Variants in ZNF28 observed in about 807,000 individuals in gnomAD.
The protein encoded by ZNF28 is zinc finger protein 28, also known as zinc finger protein KOX24.
Under a neutral mutation model 7.2 loss-of-function variants are expected in ZNF28, and 5 were observed. The observed-to-expected ratio is 0.70, with a 90% CI of 0.36 to 1.46. ZNF28 has a LOEUF of 1.46. Ranked by LOEUF, ZNF28 falls within the 40% of genes most tolerant of loss-of-function variation. The probability of loss-of-function intolerance (pLI) is 0.03; values close to 1 mark genes in which losing one functional copy is unlikely to be tolerated. For missense variants in ZNF28, 879 were observed against 866.6 expected (o/e 1.01, Z -0.18); for synonymous variants, 288 against 292.4 (o/e 0.99, Z 0.15).
chr19:52,811,083 G>T (rs1462598590), intron 2 of ZNF28, among the ~76,000 whole-genome samples: 1 of 149,600 alleles, frequency 6.7e-6, no homozygotes, highest in African/African-American at 2.5e-5. Context: ...TGGTGGAGAC[G>T]GGGTTTCGCT....
chr19:52,809,156 C>T (rs879524290), intron 2 of ZNF28, among the ~76,000 whole-genome samples: 10 of 152,188 alleles, frequency 6.6e-5, no homozygotes, highest in Non-Finnish European at 1.3e-4. Flanking sequence ...CAGGGGGAAT[C>T]TTGTCAGATC....
chr19:52,818,192 A>C (rs7247280), intron 1 of ZNF28, among the ~76,000 whole-genome samples, 161 bp from the exon 2 acceptor site: 100,278 of 151,480 alleles, frequency 0.66, 33,970 homozygotes, highest in Non-Finnish European at 0.73. Flanking sequence ...CTCCCACTCT[A>C]CTCCTGGAGA....
Position 52,800,570 on chromosome 19 carries a change from G to A in ZNF28, c.1275C>T (p.Tyr425=), listed in dbSNP as rs761782285. ...VCDKAFAYNS[Y]LAKHSIIHTG... is the part of the protein sequence containing the mutation. ...TGTGAATTATACTATGTTTTGCCAG[G>A]TATGAATTATATGCAAAAGCCTTGT... The change falls in exon 4 of 4, where the codon TAC becomes TAT. Residue 425 remains tyrosine, a synonymous_variant. Transcript: ENST00000457749. 11 of 1,613,012 alleles carry A rather than the reference G, an allele frequency of 6.8e-6. No homozygotes were observed. Among genetic ancestry groups the A allele is most frequent in the Non-Finnish European group, 3.4e-6 (4 of 1,179,768 alleles).
chr19:52,805,877 G>A (rs755966465), intron 3 of ZNF28: 3 of 151,988 alleles, frequency 2.0e-5, no homozygotes, highest in Non-Finnish European at 4.4e-5. Context: ...CTTCTCAGGG[G>A]CCTGAGGCAG....
At position 52,810,564 on chromosome 19, in the gene ZNF28, G is replaced by C. The variant is rs899283212; in HGVS notation, c.16-2431C>G. 10 of 1,593,294 alleles carry C rather than the reference G, an allele frequency of 6.3e-6. No individual in the cohort carries two copies. In the Admixed American group the frequency reaches 8.4e-5, roughly 13 times the overall value. On this transcript the variant is annotated intron_variant, in intron 2 of 3. Transcript: ENST00000457749. ...AGACCAGGCATCAGCACAACAGACCGGGGTCTTCCACGAGCCCGCTACCGC... is the reference window on the plus strand; with the variant it reads ...AGACCAGGCATCAGCACAACAGACCCGGGTCTTCCACGAGCCCGCTACCGC...
At chr19:52,807,915 C>G in intron 3 of ZNF28, 92 bp downstream of exon 3, 2 of 1,577,428 alleles carry the variant, frequency 1.3e-6, no homozygotes, top group Non-Finnish European at 8.6e-7. Context: ...AATACGGCTT[C>G]CATTTTAGTC....
At chr19:52,810,797 G>A in intron 2 of ZNF28, 1 of 433,322 alleles carries the variant, frequency 2.3e-6, no homozygotes, top group Non-Finnish European at 4.0e-6. Flanking sequence ...AACAGAAGAT[G>A]ACCTTGATGG....
Position 52,817,955 on chromosome 19 carries a change from C to T in ZNF28, c.4G>A (p.Ala2Thr). M[A>T]LPQGLLTFRD... ...GAATACCATCTCACCTGAGGAAGAG[C>T]CATCCCTGACTCCTTTGCTTTCCTC... is the stretch of plus-strand genomic sequence containing the variant. The change falls in exon 2 of 4, where the codon GCT becomes ACT. Residue 2 changes from alanine (A) to threonine (T), a missense_variant. By Grantham distance (58) the Ala-to-Thr change is moderately conservative (BLOSUM62 0). Around this residue, in one of 2 missense-constraint regions of ZNF28, gnomAD observed 864 missense variants for 830.2 expected, o/e 1.04. Transcript: ENST00000457749. 1 of 1,610,882 alleles carries T rather than the reference C, an allele frequency of 6.2e-7. No homozygotes were observed. The highest frequency in any genetic ancestry group is 8.5e-7 in the Non-Finnish European group (1 of 1,179,832).
rs555363271 is a variant in ZNF28, at chr19:52,810,433, G to T, written c.16-2300C>A. The T allele has an allele frequency of 1.8e-5, 29 of 1,601,794 alleles. No individual in the cohort carries two copies. The South Asian group carries it at 2.9e-4, about 16-fold the overall frequency. On this transcript the variant is annotated intron_variant, in intron 2 of 3. Transcript: ENST00000457749. ...GACAAATTTAGTGGCCATCCCAAAG[G>T]GTTTGCATATATAGAGTTCTCAAAG...
At chr19:52,810,243 C>T (rs1251633570) in intron 2 of ZNF28, 10 of 1,231,090 alleles carry the variant, frequency 8.1e-6, no homozygotes, top group Non-Finnish European at 9.6e-6. Context: ...GAATATGAGT[C>T]TACCTCCAGG....
Position 52,800,881 on chromosome 19 carries a change from T to C in ZNF28, c.964A>G (p.Thr322Ala), listed in dbSNP as rs946209116. 8.7e-6 allele frequency: 14 copies of C among 1,613,916 alleles called. No homozygotes were observed. Among genetic ancestry groups the C allele is most frequent in the Non-Finnish European group, 1.2e-5 (14 of 1,179,958 alleles). The change falls in exon 4 of 4, where the codon ACT becomes GCT. Residue 322 changes from threonine (T) to alanine (A), a missense_variant. By Grantham distance (58) the Thr-to-Ala change is moderately conservative (BLOSUM62 0). Coordinates refer to ENST00000457749, the MANE Select transcript of ZNF28 (RefSeq NM_006969.5). ...TTACATTTGTATGGTTTCCCTCCAGTATAAATTATCTTATGTGTTTCAAGG... is the reference window on the plus strand; with the variant it reads ...TTACATTTGTATGGTTTCCCTCCAGCATAAATTATCTTATGTGTTTCAAGG... ...SHLETHKIIY[T>A]GGKPYKCKVC...
At chr19:52,821,523 C>T (rs1187123984) in intron 1 of ZNF28, 63 bp downstream of exon 1, 3 of 152,224 alleles carry the variant, frequency 2.0e-5, no homozygotes, top group African/African-American at 7.2e-5. Context: ...CCCCACATCC[C>T]ATGTACAGAA....
intron 3 of ZNF28, chr19:52,805,175 CAGG>C (rs1448180107): frequency 6.6e-6 from 1 of 151,670 alleles, no homozygotes; most frequent in Non-Finnish European, 1.5e-5. Context: ...AAGGCTGAGG[CAGG>C]AGAATTGCTT....
Position 52,798,995 on chromosome 19 carries a change from G to C in ZNF28, c.*693C>G, listed in dbSNP as rs893326384. The C allele has an allele frequency of 4.3e-5, 41 of 943,708 alleles. No homozygotes were observed. In the Middle Eastern group the frequency reaches 7.4e-4, roughly 17 times the overall value. 58.5% of individuals were successfully genotyped at this position (943,708 alleles called of 1,614,324 possible). A position where few individuals can be genotyped will look rare whatever the true frequency, so the allele number is the denominator to read the frequency against. ...TGCCAGGTGTGAATCACTCCCAAAA[G>C]CCTTGTTACAAACCTTACATTTGTA... On this transcript the variant is annotated 3_prime_UTR_variant, in exon 4 of 4. Transcript: ENST00000457749.
chr19:52,809,844 G>T, intron 2 of ZNF28: 1 of 575,340 alleles, frequency 1.7e-6, no homozygotes, highest in Non-Finnish European at 3.0e-6. Context: ...CGGCGGTGGC[G>T]GTGGTGGCAG....
At chr19:52,806,351 G>A (rs10407781) in intron 3 of ZNF28, among the ~76,000 whole-genome samples, 118,825 of 151,850 alleles carry the variant, frequency 0.78, 47,401 homozygotes, top group Non-Finnish European at 0.87. Flanking sequence ...CCACCACGGC[G>A]CCTGGCTAAT....
intron 2 of ZNF28, among the ~76,000 whole-genome samples, chr19:52,816,672 G>GA (rs66490367): frequency 0.019 from 2,763 of 142,618 alleles, 433 homozygotes; most frequent in African/African-American, 0.072. Flanking sequence ...CTCAAAAAAA[G>GA]AAAAAAAAAA....
chr19:52,813,249 G>GA (rs71183837), intron 2 of ZNF28, among the ~76,000 whole-genome samples: 9,130 of 62,898 alleles, frequency 0.15, 1,183 homozygotes, highest in African/African-American at 0.28. Context: ...CTTGAATGGT[G>GA]AAAAAAAAAA....
chr19:52,809,800 A>C lies in ZNF28; in HGVS notation c.16-1667T>G, dbSNP rs963163727. On this transcript the variant is annotated intron_variant, in intron 2 of 3. Coordinates refer to ENST00000457749, the MANE Select transcript of ZNF28 (RefSeq NM_006969.5). ...AGCCTGGGTGACAGAGCGAAAAAAA[A>C]GGAGCCCAGTCTGAGCGGCGAAGGC... The C allele has an allele frequency of 9.9e-6, 5 of 506,568 alleles. No homozygotes were observed. The East Asian group carries it at 1.0e-4, about 10-fold the overall frequency. The allele number at this position is 506,568 out of a possible 1,614,324, so 31.4% of individuals were successfully genotyped here.
Sources: allele counts gnomAD v4.1 joint callset (sites outside exome capture counted in the v4.1 genomes callset), GRCh38; gene constraint gnomAD v4.1.1; regional missense constraint gnomAD v4.1.1; transcripts MANE v1.5; gene names NCBI Gene and HGNC (gene_info 2026-07-23, HGNC 2026-07-21).